Variants in UGT1A8 observed in about 807,000 individuals in gnomAD.
UGT1A8 encodes the protein UDP glucuronosyltransferase family 1 member A8, also known as UDP-glucuronosyltransferase 1A8.
A neutral mutation model predicts 45.3 loss-of-function variants in UGT1A8; 39 were observed. That is an observed-to-expected ratio of 0.86 (90% confidence interval 0.67 to 1.12). The LOEUF (loss-of-function observed/expected upper bound fraction) is 1.12. UGT1A8 is among the 50% of genes most tolerant of loss of function. UGT1A8 has a pLI of 0.00. For missense variants in UGT1A8, 719 were observed against 664.9 expected, an observed-to-expected ratio of 1.08 and a Z score of -0.90; for synonymous variants, 275 against 249.2, an observed-to-expected ratio of 1.10 and a Z score of -0.97.
intron 1 of UGT1A8, chr2:233,690,896 T>G: frequency 1.9e-6 from 2 of 1,035,856 alleles, no homozygotes; most frequent in African/African-American, 1.7e-5. Context: ...AGGGATGGTA[T>G]GCATAGTGAT....
intron 1 of UGT1A8, among the ~76,000 whole-genome samples, chr2:233,647,045 C>G (rs2073623972): frequency 6.6e-6 from 1 of 152,190 alleles, no homozygotes; most frequent in East Asian, 1.9e-4. Context: ...AGGAGAAAGT[C>G]ACATCCTCCA....
intron 1 of UGT1A8, among the ~76,000 whole-genome samples, chr2:233,661,143 G>T (rs951324995): frequency 1.3e-5 from 2 of 150,814 alleles, no homozygotes; most frequent in African/African-American, 2.4e-5. Context: ...ATTATCTATG[G>T]ATGTAATGAC....
At chr2:233,735,317 G>A (rs1343074609) in intron 1 of UGT1A8, among the ~76,000 whole-genome samples, 2 of 152,024 alleles carry the variant, frequency 1.3e-5, no homozygotes, top group African/African-American at 2.4e-5. Flanking sequence ...TTTTATCAGA[G>A]ACTAGGATTG....
rs1457115854 is a variant in UGT1A8, at chr2:233,724,955, G to A, written c.856-42079G>A. The stretch of plus-strand genomic sequence containing the variant: ...ACTCCGTCTGCAATCCCGGCACCTC[G>A]GGAGGCCGAGGTTGGCGGATCACTC... On this transcript the variant is annotated intron_variant, in intron 1 of 4. Coordinates refer to ENST00000373450, the MANE Select transcript of UGT1A8 (RefSeq NM_019076.5). Among the ~76,000 whole-genome samples the A allele has an allele frequency of 3.5e-5, 5 of 143,484 alleles. 1 individual carries two copies. The highest frequency in any genetic ancestry group is 2.1e-4 in the East Asian group (1 of 4,762). The allele number at this position is 143,484 out of a possible 152,430, so 94.1% of individuals were successfully genotyped here.
At chr2:233,693,927 A>G in intron 1 of UGT1A8, 1 of 1,608,872 alleles carries the variant, frequency 6.2e-7, no homozygotes, top group Non-Finnish European at 8.5e-7. Context: ...TCCCTCACTC[A>G]TTTGGCTCCT....
intron 1 of UGT1A8, among the ~76,000 whole-genome samples, chr2:233,741,066 G>A (rs923933270): frequency 3.3e-5 from 5 of 151,838 alleles, no homozygotes; most frequent in Non-Finnish European, 7.3e-5. Context: ...GCTACAGAGC[G>A]AGACCCTGTC....
At chr2:233,682,879 A>C in intron 1 of UGT1A8, 3 of 1,512,746 alleles carry the variant, frequency 2.0e-6, no homozygotes, top group Admixed American at 2.2e-5. Flanking sequence ...TATCATTTAC[A>C]TTTGTCCCAT....
At chr2:233,755,420 G>A (rs187061066) in intron 1 of UGT1A8, 126 of 320,310 alleles carry the variant, frequency 3.9e-4, no homozygotes, top group African/African-American at 1.9e-3. Context: ...GCCTGTGAGC[G>A]CCTCGCATCC....
chr2:233,625,749 T>A lies in UGT1A8; in HGVS notation c.855+7187T>A, dbSNP rs183870823. Among the ~76,000 whole-genome samples the A allele has an allele frequency of 2.0e-5, 3 of 151,830 alleles. No individual in the cohort carries two copies. The East Asian group carries it at 5.8e-4, about 29-fold the overall frequency. On this transcript the variant is annotated intron_variant, in intron 1 of 4. Coordinates refer to ENST00000373450, the MANE Select transcript of UGT1A8 (RefSeq NM_019076.5). Reference sequence around the variant, plus strand: ...GTGGGAGCTAAATAGTGGGTACTCATGGGCATAAAGATGGCAACAATAGAC... The same window carrying A: ...GTGGGAGCTAAATAGTGGGTACTCAAGGGCATAAAGATGGCAACAATAGAC...
In UGT1A8 at chr2:233,769,736, T is replaced by C. The variant is rs1415322181; in HGVS notation, c.1295+1297T>C. 6.9e-6 allele frequency: 10 copies of C among 1,453,324 alleles called. No individual in the cohort carries two copies. Among genetic ancestry groups the C allele is most frequent in the Non-Finnish European group, 9.1e-6 (10 of 1,101,886 alleles). The allele number at this position is 1,453,324 out of a possible 1,614,324, so 90.0% of individuals were successfully genotyped here. A position where few individuals can be genotyped will look rare whatever the true frequency, so the allele number is the denominator to read the frequency against. The stretch of plus-strand genomic sequence containing the variant: ...TAGGCACCATGGCACACGCCTGTAG[T>C]CCCAGCCACTCTGGAGGCTAAGGCG... On this transcript the variant is annotated intron_variant, in intron 4 of 4. Coordinates refer to ENST00000373450, the MANE Select transcript of UGT1A8 (RefSeq NM_019076.5). The surrounding 1 kb of genome is among the most constrained non-coding windows in gnomAD (Gnocchi z 4.4).
chr2:233,751,986 T>A (rs1694863386), intron 1 of UGT1A8, among the ~76,000 whole-genome samples: 1 of 152,156 alleles, frequency 6.6e-6, no homozygotes, highest in South Asian at 2.1e-4. Context: ...TGAATCTGCA[T>A]TTATTGAGAA....
intron 1 of UGT1A8, among the ~76,000 whole-genome samples, chr2:233,748,343 G>A (rs192012783): frequency 6.6e-5 from 10 of 151,870 alleles, no homozygotes; most frequent in African/African-American, 1.2e-4. Flanking sequence ...GAGACTGTTC[G>A]TTTGTAAAGG....
chr2:233,712,935 C>G, intron 1 of UGT1A8: 1 of 1,612,232 alleles, frequency 6.2e-7, no homozygotes, highest in East Asian at 2.2e-5. Context: ...ACGAAGGAAA[C>G]AATTCTAGGA....
chr2:233,747,416 C>T, intron 1 of UGT1A8: 4 of 1,607,550 alleles, frequency 2.5e-6, no homozygotes, highest in Non-Finnish European at 3.4e-6. Context: ...TGAATATGCA[C>T]ATCAAACAAG....
intron 1 of UGT1A8, among the ~76,000 whole-genome samples, chr2:233,766,030 T>C (rs1699031602): frequency 6.6e-6 from 1 of 152,104 alleles, no homozygotes; most frequent in Non-Finnish European, 1.5e-5. Context: ...AGTTTTGCCC[T>C]CTATAGTCAG....
chr2:233,679,168 C>T lies in UGT1A8; in HGVS notation c.855+60606C>T, dbSNP rs141230614. The stretch of plus-strand genomic sequence containing the variant: ...ATTAGAGATGTTGGGTTTGGAAGCA[C>T]GTAGACCATTTTGACACCTTCAGTG... On this transcript the variant is annotated intron_variant, in intron 1 of 4. Coordinates refer to ENST00000373450, the MANE Select transcript of UGT1A8 (RefSeq NM_019076.5). Among the ~76,000 whole-genome samples, 410 of 152,232 alleles carry T rather than the reference C, an allele frequency of 2.7e-3. 1 individual carries two copies. Among genetic ancestry groups the T allele is most frequent in the Middle Eastern group, 6.8e-3 (2 of 294 alleles).
chr2:233,658,036 T>G (rs1456211624), intron 1 of UGT1A8, among the ~76,000 whole-genome samples: 1 of 107,838 alleles, frequency 9.3e-6, no homozygotes, highest in Non-Finnish European at 2.1e-5. Context: ...TTTTTTTTTT[T>G]GAGACAAAGT....
chr2:233,731,416 C>G (rs1172446293), intron 1 of UGT1A8, among the ~76,000 whole-genome samples: 1 of 151,828 alleles, frequency 6.6e-6, no homozygotes, highest in Admixed American at 6.6e-5. Flanking sequence ...GGTATTTTTC[C>G]TAATGCCATC....
intron 1 of UGT1A8, chr2:233,717,992 T>C: frequency 2.4e-6 from 1 of 424,356 alleles, no homozygotes; most frequent in Non-Finnish European, 4.7e-6. Flanking sequence ...ATTCAGACTG[T>C]GCAAGATCTG....
Sources: allele counts gnomAD v4.1 joint callset (sites outside exome capture counted in the v4.1 genomes callset), GRCh38; gene constraint gnomAD v4.1.1; non-coding constraint Gnocchi (gnomAD v3.1); transcripts MANE v1.5; gene names NCBI Gene and HGNC (gene_info 2026-07-23, HGNC 2026-07-21).